SFXN4: variants seen among roughly 807,000 people sequenced by gnomAD.
SFXN4 encodes sideroflexin-4.
Under a neutral mutation model 54.6 loss-of-function variants are expected in SFXN4, and 48 were observed. The ratio of observed to expected loss-of-function variants is 0.88; its 90% confidence interval spans 0.70 to 1.12. The LOEUF (loss-of-function observed/expected upper bound fraction) is 1.12, where lower values mean the gene tolerates loss of function less well. Ranked by LOEUF, SFXN4 falls within the 50% of genes most tolerant of loss-of-function variation. The probability of loss-of-function intolerance (pLI) is 0.00; values close to 1 mark genes in which losing one functional copy is unlikely to be tolerated. For synonymous variants in SFXN4, 130 were observed against 145.5 expected, an observed-to-expected ratio of 0.89 and a Z score of 0.77; for missense variants, 383 against 409.2, an observed-to-expected ratio of 0.94 and a Z score of 0.55.
chr10:119,158,211 C>T (rs1056339400), intron 6 of SFXN4, 149 bp from the exon 7 acceptor site: 10 of 713,906 alleles, frequency 1.4e-5, no homozygotes, highest in African/African-American at 7.1e-5. Context: ...GCTGCCGGTC[C>T]GTAGACAAGG....
At position 119,157,753 on chromosome 10, in the gene SFXN4, C is replaced by T; in HGVS notation, c.472-20G>A. Reference sequence around the variant, plus strand: ...ACAAGTCTAAGGAGAAACAAAAGTACTTAATTAGCAAATATCACAGTTTTA... The same window carrying T: ...ACAAGTCTAAGGAGAAACAAAAGTATTTAATTAGCAAATATCACAGTTTTA... On this transcript the variant is annotated intron_variant, in intron 8 of 13. Transcript: ENST00000355697. 1 of 1,607,250 alleles carries T rather than the reference C, an allele frequency of 6.2e-7. No individual in the cohort carries two copies. The highest frequency in any genetic ancestry group is 8.5e-7 in the Non-Finnish European group (1 of 1,176,402).
At position 119,141,375 on chromosome 10, in the gene SFXN4, G is replaced by A; in HGVS notation, c.937-56C>T. On this transcript the variant is annotated intron_variant, in intron 13 of 13. Coordinates refer to ENST00000355697, the MANE Select transcript of SFXN4 (RefSeq NM_213649.2). ...ATTAATAGTTTTTCTTGCCTTAGAA[G>A]CCAAGTTAAAAAAATCATTTTCTGA... 3.5e-6 allele frequency: 4 copies of A among 1,127,840 alleles called. 1 individual carries two copies. The highest frequency in any genetic ancestry group is 2.6e-6 in the Non-Finnish European group (2 of 771,584). 69.9% of individuals were successfully genotyped at this position (1,127,840 alleles called of 1,614,324 possible). A position where few individuals can be genotyped will look rare whatever the true frequency, so the allele number is the denominator to read the frequency against.
chr10:119,153,604 A>C (rs992978603), intron 11 of SFXN4, among the ~76,000 whole-genome samples: 3 of 152,184 alleles, frequency 2.0e-5, no homozygotes, highest in African/African-American at 4.8e-5. Flanking sequence ...GGGCTCTTTT[A>C]ACCCCAGAAA....
intron 12 of SFXN4, 24 bp from the exon 13 acceptor site, chr10:119,146,377 A>C: frequency 7.1e-7 from 1 of 1,408,680 alleles, no homozygotes; most frequent in Non-Finnish European, 1.0e-6. Context: ...GGCATGGCTC[A>C]CAAGTGATGT....
chr10:119,159,911 G>C (rs957141183), intron 5 of SFXN4, among the ~76,000 whole-genome samples, 158 bp from the exon 6 acceptor site: 4 of 152,138 alleles, frequency 2.6e-5, no homozygotes, highest in African/African-American at 4.8e-5. Flanking sequence ...CTAATAAAGT[G>C]GGGGGTCAAG....
intron 11 of SFXN4, among the ~76,000 whole-genome samples, chr10:119,150,148 C>T (rs946444840): frequency 2.0e-5 from 3 of 149,728 alleles, no homozygotes; most frequent in Admixed American, 6.7e-5. Context: ...AAAAAAAGAC[C>T]TTTTTTTTTT....
chr10:119,154,674 A>G lies in SFXN4; in HGVS notation c.732+388T>C, dbSNP rs529235515. On this transcript the variant is annotated intron_variant, in intron 11 of 13. Coordinates refer to ENST00000355697, the MANE Select transcript of SFXN4 (RefSeq NM_213649.2). ...TGGTGAAACCCCGTCTCTATTAAAA[A>G]TACAAAAATAAGCCAGGTGCAGTGG... Among the ~76,000 whole-genome samples, 15 of 152,302 alleles carry G rather than the reference A, an allele frequency of 9.8e-5. No individual in the cohort carries two copies. In the East Asian group the frequency reaches 2.9e-3, roughly 29 times the overall value.
chr10:119,153,939 AG>A (rs1262774383), intron 11 of SFXN4, among the ~76,000 whole-genome samples: 1 of 152,152 alleles, frequency 6.6e-6, no homozygotes, highest in Non-Finnish European at 1.5e-5. Context: ...GTACGTTGGG[AG>A]GCCGAGGCGG....
chr10:119,152,053 A>G (rs757425665), intron 11 of SFXN4, among the ~76,000 whole-genome samples: 12 of 150,052 alleles, frequency 8.0e-5, no homozygotes, highest in Non-Finnish European at 1.6e-4. Context: ...TCATGGACTC[A>G]AGCGATCTAC....
intron 11 of SFXN4, among the ~76,000 whole-genome samples, chr10:119,151,430 G>C (rs559039175): frequency 7.8e-6 from 1 of 127,614 alleles, no homozygotes; most frequent in African/African-American, 2.8e-5. Flanking sequence ...GGGTGGGGGT[G>C]GGGGTGGGCA....
rs765218656 is a variant in SFXN4 at position 119,157,728 on chromosome 10, AC to A, written c.476del (p.Cys159LeufsTer4). On this transcript the variant is annotated frameshift_variant, in exon 9 of 14. Coordinates refer to ENST00000355697, the MANE Select transcript of SFXN4 (RefSeq NM_213649.2). LOFTEE classifies it high-confidence loss of function. ...TTAGTAATGATCTTTCTAGTGGCTT[AC>A]AAGTCTAAGGAGAAACAAAAGTACT... Reference protein sequence around the residue: ...NSINGNRSYTCKPLERSLLMA... With the variant: ...NSINGNRSYTXKPLERSLLMA... The A allele has an allele frequency of 6.2e-7, 1 of 1,610,064 alleles. No individual in the cohort carries two copies. Among genetic ancestry groups the A allele is most frequent in the Non-Finnish European group, 8.5e-7 (1 of 1,178,356 alleles).
chr10:119,147,686 C>A, intron 12 of SFXN4, 89 bp downstream of exon 12: 1 of 1,126,522 alleles, frequency 8.9e-7, no homozygotes, highest in Non-Finnish European at 1.3e-6. Flanking sequence ...GCCAACTTCT[C>A]CCCACCCTCC....
Position 119,165,611 on chromosome 10 carries a change from GC to G in SFXN4, c.36del (p.Arg13GlyfsTer3). On this transcript the variant is annotated frameshift_variant, in exon 1 of 14. Coordinates refer to ENST00000355697, the MANE Select transcript of SFXN4 (RefSeq NM_213649.2). LOFTEE classifies it high-confidence loss of function. Reference sequence around the variant, plus strand: ...ACGGCGTCTCTGCGTCCTAGGAGCCGCCCAGGTTGCGTTTCCTCCTCCTGTT... The same window carrying G: ...ACGGCGTCTCTGCGTCCTAGGAGCCGCCAGGTTGCGTTTCCTCCTCCTGTT... ...SLEQEEETQP[G>X]RLLGRRDAVP... 6.3e-7 allele frequency: 1 copy of G among 1,592,844 alleles called. No individual in the cohort carries two copies. The highest frequency in any genetic ancestry group is 8.5e-7 in the Non-Finnish European group (1 of 1,171,608).
chr10:119,164,314 T>C, intron 1 of SFXN4, 118 bp from the exon 2 acceptor site: 1 of 608,994 alleles, frequency 1.6e-6, no homozygotes, highest in Non-Finnish European at 2.9e-6. Flanking sequence ...GTGATCTGCC[T>C]TTTACTGGCA....
chr10:119,147,023 T>A (rs1006974481), intron 12 of SFXN4, among the ~76,000 whole-genome samples: 2 of 152,192 alleles, frequency 1.3e-5, no homozygotes, highest in African/African-American at 4.8e-5. Flanking sequence ...AAGACATTCC[T>A]GCCTCCCCTG....
At chr10:119,162,146 T>C in intron 3 of SFXN4, 194 bp downstream of exon 3, 2 of 555,444 alleles carry the variant, frequency 3.6e-6, no homozygotes, top group South Asian at 4.9e-5. Flanking sequence ...AACCCAGTTT[T>C]GCAAAGCTGG....
intron 2 of SFXN4, among the ~76,000 whole-genome samples, chr10:119,163,900 CATGGT>C (rs1467336447): frequency 6.6e-6 from 1 of 151,860 alleles, no homozygotes; most frequent in Non-Finnish European, 1.5e-5. Flanking sequence ...ATTAGCCGGG[CATGGT>C]GGCGCATGCC....
In SFXN4 at chr10:119,165,529, GGCCGTACTTGGC is replaced by G; in HGVS notation, c.107_111+7del. 6.3e-7 allele frequency: 1 copy of G among 1,577,124 alleles called. No individual in the cohort carries two copies. Among genetic ancestry groups the G allele is most frequent in the Non-Finnish European group, 8.6e-7 (1 of 1,166,788 alleles). The stretch of plus-strand genomic sequence containing the variant: ...CCTGCCCCTAGTCGCGCCGGGCCCG[GGCCGTACTTGGC>G]GCTCGGTGATCCAGAAGCGCACGTT... On this transcript the variant is annotated splice_donor_variant and splice_donor_5th_base_variant and coding_sequence_variant and intron_variant, in exon 1 of 14. Coordinates refer to ENST00000355697, the MANE Select transcript of SFXN4 (RefSeq NM_213649.2). LOFTEE classifies it high-confidence loss of function.
chr10:119,159,677 G>A (rs1383845219), intron 6 of SFXN4, 51 bp downstream of exon 6: 1 of 1,592,484 alleles, frequency 6.3e-7, no homozygotes, highest in African/African-American at 1.3e-5. Context: ...GAGGAGAGTG[G>A]CCATCTTCCC....
Sources: allele counts gnomAD v4.1 joint callset (sites outside exome capture counted in the v4.1 genomes callset), GRCh38; gene constraint gnomAD v4.1.1; transcripts MANE v1.5; gene names NCBI Gene and HGNC (gene_info 2026-07-23, HGNC 2026-07-21).